ABCB11: variants seen among roughly 807,000 people sequenced by gnomAD.
ABCB11 encodes ATP binding cassette subfamily B member 11, also known as bile salt export pump.
In ABCB11, 95 loss-of-function variants were observed where a neutral mutation model predicts 148.0. That is an observed-to-expected ratio of 0.64 (90% CI 0.54 to 0.76). The LOEUF is 0.76. ABCB11 is among the 30% of genes least tolerant of loss of function. ABCB11 has a pLI of 0.00. For missense variants in ABCB11, 1,523 were observed against 1,617.8 expected, an observed-to-expected ratio of 0.94 and a Z score of 1.01; for synonymous variants, 591 against 555.4, an observed-to-expected ratio of 1.06 and a Z score of -0.90.
At chr2:168,981,633 T>C (rs1419806609) in intron 10 of ABCB11, among the ~76,000 whole-genome samples, 1 of 152,148 alleles carries the variant, frequency 6.6e-6, no homozygotes, top group Non-Finnish European at 1.5e-5. Flanking sequence ...AGAACACTTC[T>C]TATGGTCCAA....
Position 168,921,688 on chromosome 2 carries a change from G to A in ABCB11, c.*1934C>T, listed in dbSNP as rs1403240156. On this transcript the variant is annotated 3_prime_UTR_variant, in exon 28 of 28. Transcript: ENST00000650372. ...TGTTAAAATACTTCCTCAGTGTCTG[G>A]TGGTCCTTGGAAGTCAATTCCCATG... Among the ~76,000 whole-genome samples, 1 of 151,814 alleles carries A rather than the reference G, an allele frequency of 6.6e-6. No individual in the cohort carries two copies. Among genetic ancestry groups the A allele is most frequent in the Admixed American group, 6.6e-5 (1 of 15,240 alleles).
At chr2:168,929,487 T>C (rs1460361318) in intron 25 of ABCB11, among the ~76,000 whole-genome samples, 1 of 152,172 alleles carries the variant, frequency 6.6e-6, no homozygotes, top group Admixed American at 6.5e-5. Context: ...ATGAACAATA[T>C]TTACATAATC....
intron 1 of ABCB11, among the ~76,000 whole-genome samples, chr2:169,021,342 A>G (rs193043042): frequency 1.3e-5 from 2 of 151,888 alleles, no homozygotes; most frequent in East Asian, 4.1e-4. Flanking sequence ...TGAAAAGGAT[A>G]CGTCATGCAA....
chr2:168,975,430 G>T (rs868603745), intron 12 of ABCB11, among the ~76,000 whole-genome samples: 4 of 1,380 alleles, frequency 2.9e-3, no homozygotes, highest in Non-Finnish European at 7.4e-3. Context: ...TATATTTATA[G>T]ATAAATATAT....
intron 12 of ABCB11, among the ~76,000 whole-genome samples, chr2:168,975,989 T>C (rs1290560613): frequency 6.6e-6 from 1 of 151,980 alleles, no homozygotes; most frequent in Non-Finnish European, 1.5e-5. Context: ...CTAATTTTCT[T>C]GTAGAGTAAA....
chr2:169,012,694 C>T lies in ABCB11; in HGVS notation c.389+578G>A, dbSNP rs181999761. 4.5e-3 allele frequency among the ~76,000 whole-genome samples: 665 copies of T among 147,192 alleles called. 3 individuals carry two copies. The highest frequency in any genetic ancestry group is 0.015 in the African/African-American group (597 of 39,688). On this transcript the variant is annotated intron_variant, in intron 5 of 27. Transcript: ENST00000650372. ...GGCAGAGGCTGCAGTGAGCCAAGAT[C>T]ACACCACTGTACTCCAGCCTGGGCA...
rs1559174293 is a variant in ABCB11, at chr2:168,924,656, C to A, written c.3765+1G>T. The A allele has an allele frequency of 6.2e-7, 1 of 1,612,864 alleles. No homozygotes were observed. The highest frequency in any genetic ancestry group is 8.5e-7 in the Non-Finnish European group (1 of 1,179,552). On this transcript the variant is annotated splice_donor_variant, in intron 27 of 27. Coordinates refer to ENST00000650372, the MANE Select transcript of ABCB11 (RefSeq NM_003742.4). LOFTEE classifies it high-confidence loss of function. Reference sequence around the variant, plus strand: ...TAAGACTTTAGAAATTCAACACTTACCTTTTCACTTTCTGTGTCTAAGGCA... The same window carrying A: ...TAAGACTTTAGAAATTCAACACTTAACTTTTCACTTTCTGTGTCTAAGGCA...
Position 169,013,277 on chromosome 2 carries a change from A to G in ABCB11, c.384T>C (p.Arg128=). ...SLNQNMTNGT[R]CGLLNIESEM... is the part of the protein sequence containing the mutation. ...TAAAAACAAAAACAACCTACCCACA[A>G]CGTGTTCCATTTGTCATGTTCTGGT... The change falls in exon 5 of 28, where the codon CGT becomes CGC. Residue 128 remains arginine (R), a synonymous_variant. Transcript: ENST00000650372. The G allele has an allele frequency of 6.2e-7, 1 of 1,606,784 alleles. No individual in the cohort carries two copies. Among genetic ancestry groups the G allele is most frequent in the Admixed American group, 1.7e-5 (1 of 59,490 alleles).
At chr2:168,961,960 AT>A (rs1693098770) in intron 18 of ABCB11, among the ~76,000 whole-genome samples, 2 of 151,768 alleles carry the variant, frequency 1.3e-5, no homozygotes, top group Non-Finnish European at 3.0e-5. Context: ...GGCTTGTGGA[AT>A]TTAGTTAAGT....
In ABCB11 at chr2:168,935,333, C is replaced by G. The variant is rs201881755; in HGVS notation, c.2907G>C (p.Lys969Asn). The G allele has an allele frequency of 1.2e-6, 2 of 1,614,006 alleles. No homozygotes were observed. Among genetic ancestry groups the G allele is most frequent in the Admixed American group, 1.7e-5 (1 of 60,026 alleles). The change falls in exon 23 of 28, where the codon AAG becomes AAC. Residue 969 changes from lysine to asparagine, a missense_variant. Coordinates refer to ENST00000650372, the MANE Select transcript of ABCB11 (RefSeq NM_003742.4). ...CTTTCTGAATGGCTGTCTTGAAGGGCTTCTCCAGCTCAGTCTCAAGTGCTT... is the reference window on the plus strand; with the variant it reads ...CTTTCTGAATGGCTGTCTTGAAGGGGTTCTCCAGCTCAGTCTCAAGTGCTT... ...FIEALETELE[K>N]PFKTAIQKAN...
intron 23 of ABCB11, 78 bp downstream of exon 23, chr2:168,935,106 C>CA (rs1467208434): frequency 7.0e-6 from 11 of 1,573,290 alleles, no homozygotes; most frequent in East Asian, 2.3e-5. Flanking sequence ...TGCTAAGCAG[C>CA]AAAAAGCTAA....
At chr2:168,956,677 G>A (rs1390926625) in intron 19 of ABCB11, among the ~76,000 whole-genome samples, 1 of 151,456 alleles carries the variant, frequency 6.6e-6, no homozygotes, top group East Asian at 2.0e-4. Context: ...GTGCATGTTT[G>A]TATATTCCTG....
At chr2:168,924,090 A>G (rs1006349243) in intron 27 of ABCB11, among the ~76,000 whole-genome samples, 1 of 152,238 alleles carries the variant, frequency 6.6e-6, no homozygotes, top group Non-Finnish European at 1.5e-5. Flanking sequence ...TTGATGGTCT[A>G]GTTTCCTGAA....
chr2:168,957,761 T>C (rs1176471673), intron 19 of ABCB11, among the ~76,000 whole-genome samples: 1 of 151,620 alleles, frequency 6.6e-6, no homozygotes, highest in East Asian at 2.0e-4. Context: ...ACTGTCTGAG[T>C]GCCCTGCGAG....
chr2:169,022,877 T>C (rs57174318), intron 1 of ABCB11, among the ~76,000 whole-genome samples: 3,746 of 149,928 alleles, frequency 0.025, 137 homozygotes, highest in African/African-American at 0.088. Context: ...TAAAAAATAA[T>C]TAATCATTTT....
intron 26 of ABCB11, among the ~76,000 whole-genome samples, chr2:168,925,231 G>A (rs1289579037): frequency 2.6e-5 from 4 of 152,318 alleles, no homozygotes; most frequent in Non-Finnish European, 4.4e-5. Context: ...TAGGGAGGCA[G>A]CATTCTGGAA....
At chr2:169,029,621 G>T (rs1695800643) in intron 1 of ABCB11, among the ~76,000 whole-genome samples, 1 of 151,672 alleles carries the variant, frequency 6.6e-6, no homozygotes. Context: ...CAGAGGCACC[G>T]TTGAGGTAGA....
chr2:168,946,430 TAA>T (rs763828311), intron 19 of ABCB11, among the ~76,000 whole-genome samples: 1 of 151,810 alleles, frequency 6.6e-6, no homozygotes, highest in Non-Finnish European at 1.5e-5. Flanking sequence ...GGAGGGGTTC[TAA>T]ATTAATGAGA....
chr2:168,981,673 C>G (rs1347978260), intron 10 of ABCB11, among the ~76,000 whole-genome samples: 3 of 152,134 alleles, frequency 2.0e-5, no homozygotes, highest in Non-Finnish European at 4.4e-5. Flanking sequence ...CGTCAGAGGT[C>G]TTCCTACCTC....
Sources: gnomAD v4.1 joint callset for allele counts (sites outside exome capture counted in the v4.1 genomes callset) on GRCh38, gnomAD v4.1.1 for gene constraint, MANE v1.5 for transcripts, NCBI Gene and HGNC (gene_info 2026-07-23, HGNC 2026-07-21) for gene names.